INTS6: variants seen among roughly 807,000 people sequenced by gnomAD.
INTS6 encodes DEAD box protein.
In INTS6, 16 loss-of-function variants were observed where a neutral mutation model predicts 104.9. The ratio of observed to expected loss-of-function variants is 0.15; its 90% CI spans 0.10 to 0.23. INTS6 has a LOEUF of 0.23. Among genes scored for constraint, INTS6 ranks in the 10% least tolerant of loss-of-function variants. The pLI is 1.00. For synonymous variants in INTS6, 324 were observed against 358.7 expected, an observed-to-expected ratio of 0.90 and a Z score of 1.09; for missense variants, 584 against 1,062.8, an observed-to-expected ratio of 0.55 and a Z score of 6.26.
intron 4 of INTS6, among the ~76,000 whole-genome samples, chr13:51,399,505 A>G (rs1259581732): frequency 2.6e-5 from 4 of 152,222 alleles, no homozygotes; most frequent in Admixed American, 6.5e-5. Flanking sequence ...TGTGGAAAAT[A>G]TATGTATGCA....
At chr13:51,447,308 A>G (rs1952937763) in intron 3 of INTS6, 1 of 152,122 alleles carries the variant, frequency 6.6e-6, no homozygotes, top group East Asian at 1.9e-4. Context: ...ATTTCACACT[A>G]CCTATTAAAT....
chr13:51,451,753 G>T (rs1167909716), intron 2 of INTS6, among the ~76,000 whole-genome samples: 7 of 148,992 alleles, frequency 4.7e-5, no homozygotes, highest in African/African-American at 1.5e-4. Flanking sequence ...GCCGCTGCCG[G>T]GCCGGGCCGG....
At chr13:51,397,305 T>C (rs1481964272) in intron 4 of INTS6, among the ~76,000 whole-genome samples, 2 of 152,192 alleles carry the variant, frequency 1.3e-5, no homozygotes, top group Non-Finnish European at 2.9e-5. Context: ...TGAAGCTATG[T>C]TATACTGGCA....
At chr13:51,336,586 T>C in the INTS6 span, among the ~76,000 whole-genome samples, 1 of 152,210 alleles carries the variant, frequency 6.6e-6, no homozygotes, top group East Asian at 1.9e-4. Flanking sequence ...CCCCTTCTTA[T>C]GTGAGCATGA....
intron 4 of INTS6, among the ~76,000 whole-genome samples, chr13:51,429,529 G>GC (rs1297792513): frequency 6.6e-6 from 1 of 151,818 alleles, no homozygotes; most frequent in African/African-American, 2.4e-5. Flanking sequence ...ACTTTGAGAG[G>GC]CCAAGGCAGG....
rs574015189 is a variant in INTS6 at position 51,452,868 on chromosome 13, G to C, written c.-343C>G. ...CCTGTGTGTGTCCCAGCGGGAGACG[G>C]GCCTGGCTCCCCACCCCACCCCCGG... On this transcript the variant is annotated 5_prime_UTR_variant, in exon 1 of 18. Transcript: ENST00000311234. The surrounding 1 kb of genome is among the most constrained non-coding windows in gnomAD (Gnocchi z 4.2). 8.8e-7 allele frequency: 1 copy of C among 1,133,978 alleles called. No homozygotes were observed. The highest frequency in any genetic ancestry group is 5.0e-5 in the Admixed American group (1 of 19,918). 70.2% of individuals were successfully genotyped at this position (1,133,978 alleles called of 1,614,324 possible).
At chr13:51,374,864 A>G (rs1183156562) in intron 13 of INTS6, 68 bp from the exon 14 acceptor site, 1 of 1,501,500 alleles carries the variant, frequency 6.7e-7, no homozygotes, top group East Asian at 2.3e-5. Context: ...GTTTCCTTAT[A>G]TATGAATGCT....
intron 4 of INTS6, among the ~76,000 whole-genome samples, chr13:51,414,397 A>C (rs955582145): frequency 2.6e-5 from 4 of 152,208 alleles, no homozygotes; most frequent in Admixed American, 2.0e-4. Context: ...GAATCCTTGA[A>C]GGTTCAACTA....
chr13:51,368,132 A>G (rs1955729653), intron 16 of INTS6, among the ~76,000 whole-genome samples: 1 of 152,128 alleles, frequency 6.6e-6, no homozygotes, highest in East Asian at 1.9e-4. Context: ...GTTCCTATTA[A>G]GGTATCAAAC....
At chr13:51,402,309 G>C (rs776053706) in intron 4 of INTS6, among the ~76,000 whole-genome samples, 3 of 152,220 alleles carry the variant, frequency 2.0e-5, no homozygotes, top group East Asian at 3.9e-4. Context: ...TGTATGTTAG[G>C]AGACATCTGT....
chr13:51,427,082 A>C (rs1956997818), intron 4 of INTS6, among the ~76,000 whole-genome samples: 1 of 152,206 alleles, frequency 6.6e-6, no homozygotes, highest in Non-Finnish European at 1.5e-5. Context: ...CCTGAAAAAC[A>C]GCACCAACAG....
the INTS6 span, among the ~76,000 whole-genome samples, chr13:51,336,529 C>T: frequency 0.025 from 3,803 of 152,256 alleles, 61 homozygotes; most frequent in South Asian, 0.057. Context: ...TTTCTGGATA[C>T]AACAGCATAG....
intron 3 of INTS6, chr13:51,450,573 A>C (rs536175576): frequency 2.0e-6 from 2 of 985,572 alleles, no homozygotes; most frequent in Non-Finnish European, 2.4e-6. Context: ...CTTACCTTTC[A>C]GAATAGTTAT....
chr13:51,426,596 C>A (rs761274096), intron 4 of INTS6, among the ~76,000 whole-genome samples: 3 of 152,064 alleles, frequency 2.0e-5, no homozygotes, highest in Admixed American at 6.6e-5. Context: ...TTTTATCATT[C>A]ATAAAACCAT....
intron 4 of INTS6, among the ~76,000 whole-genome samples, chr13:51,411,292 G>T (rs1056375661): frequency 6.6e-6 from 1 of 151,278 alleles, no homozygotes; most frequent in Non-Finnish European, 1.5e-5. Flanking sequence ...AGTGGCTCAC[G>T]CCTGTAATCA....
intron 4 of INTS6, among the ~76,000 whole-genome samples, chr13:51,420,087 T>G (rs1005814857): frequency 3.0e-4 from 45 of 152,168 alleles, no homozygotes; most frequent in African/African-American, 1.1e-3. Context: ...ATCTGGCCCT[T>G]CAAAGAAAAT....
intron 3 of INTS6, among the ~76,000 whole-genome samples, chr13:51,435,174 G>C (rs1221712941): frequency 6.6e-6 from 1 of 151,826 alleles, no homozygotes; most frequent in Non-Finnish European, 1.5e-5. Context: ...AACAAAGACA[G>C]CCAGTAGAGG....
downstream of INTS6, chr13:51,361,385 G>A (rs370404675): frequency 4.2e-6 from 6 of 1,438,700 alleles, no homozygotes; most frequent in African/African-American, 4.2e-5. Context: ...AGAATACCCA[G>A]TCACACTGCT....
At chr13:51,379,341 G>GT in intron 11 of INTS6, 121 bp downstream of exon 11, 1 of 448,150 alleles carries the variant, frequency 2.2e-6, no homozygotes. Context: ...GCTCTAAAAT[G>GT]TAATATATTA....
Sources: gnomAD v4.1 joint callset for allele counts (sites outside exome capture counted in the v4.1 genomes callset) on GRCh38, gnomAD v4.1.1 for gene constraint, Gnocchi (gnomAD v3.1) non-coding constraint, MANE v1.5 for transcripts, NCBI Gene and HGNC (gene_info 2026-07-23, HGNC 2026-07-21) for gene names.